PAPSS2: variants seen among roughly 807,000 people sequenced by gnomAD.
PAPSS2 encodes the protein bifunctional 3'-phosphoadenosine 5'-phosphosulfate synthase 2.
A neutral mutation model predicts 66.5 loss-of-function variants in PAPSS2; 61 were observed. The observed-to-expected ratio is 0.92, with a 90% CI of 0.75 to 1.14. The LOEUF (loss-of-function observed/expected upper bound fraction) is 1.14, where lower values mean the gene tolerates loss of function less well. Among genes scored for constraint, PAPSS2 ranks in the 50% most tolerant of loss-of-function variants. The pLI is 0.00. For synonymous variants in PAPSS2, 289 were observed against 287.5 expected (o/e 1.01, Z -0.05); for missense variants, 708 against 789.6 (o/e 0.90, Z 1.24).
At chr10:87,688,490 C>T (rs574599175) in intron 1 of PAPSS2, among the ~76,000 whole-genome samples, 1 of 114,520 alleles carries the variant, frequency 8.7e-6, no homozygotes, top group East Asian at 2.4e-4. Context: ...GACTAAGTCT[C>T]ACTCTGTCAC....
chr10:87,699,209 A>G (rs916948625), intron 1 of PAPSS2, among the ~76,000 whole-genome samples: 5 of 152,312 alleles, frequency 3.3e-5, no homozygotes, highest in African/African-American at 7.2e-5. Flanking sequence ...AAAGATTATC[A>G]GTGTAGAGCT....
Position 87,713,125 on chromosome 10 carries a change from C to A in PAPSS2, c.196C>A (p.Leu66Ile). The change falls in exon 3 of 13, where the codon CTT (leucine) becomes ATT (isoleucine). Residue 66 changes from leucine (L) to isoleucine (I), a missense_variant. By Grantham distance (5) the Leu-to-Ile change is conservative. Transcript: ENST00000456849. ...GATAAGTTTTGCCCTGGAGGAGTACCTTGTCTCCCATGCCATCCCTTGTTA... is the reference window on the plus strand; with the variant it reads ...GATAAGTTTTGCCCTGGAGGAGTACATTGTCTCCCATGCCATCCCTTGTTA... Reference protein sequence around the residue: ...TTISFALEEYLVSHAIPCYSL... With the variant: ...TTISFALEEYIVSHAIPCYSL... 2.5e-6 allele frequency: 4 copies of A among 1,613,380 alleles called. No individual in the cohort carries two copies. The highest frequency in any genetic ancestry group is 3.4e-6 in the Non-Finnish European group (4 of 1,179,766).
chr10:87,678,140 G>A lies in PAPSS2; in HGVS notation c.27+18132G>A, dbSNP rs556663049. On this transcript the variant is annotated intron_variant, in intron 1 of 12. Transcript: ENST00000456849. ...ACTTTTTTTTCCCAGAAATAAATCT[G>A]CATCTTTATAGCCAACTGATTTTCT... Among the ~76,000 whole-genome samples, 3 of 152,084 alleles carry A rather than the reference G, an allele frequency of 2.0e-5. No individual in the cohort carries two copies. The East Asian group carries it at 5.8e-4, about 29-fold the overall frequency.
chr10:87,687,915 A>G (rs570982765), intron 1 of PAPSS2, among the ~76,000 whole-genome samples: 10 of 152,320 alleles, frequency 6.6e-5, no homozygotes, highest in East Asian at 1.9e-4. Flanking sequence ...GATTTGATGT[A>G]ATTTTTTAAA....
At chr10:87,714,931 C>A (rs1853513996) in intron 5 of PAPSS2, 54 bp from the exon 6 acceptor site, 1 of 1,405,316 alleles carries the variant, frequency 7.1e-7, no homozygotes, top group South Asian at 1.2e-5. Context: ...TGCCTCTTTA[C>A]TGAAGCATTC....
intron 2 of PAPSS2, among the ~76,000 whole-genome samples, chr10:87,711,036 A>C (rs1435794080): frequency 1.3e-5 from 2 of 152,150 alleles, no homozygotes; most frequent in African/African-American, 4.8e-5. Context: ...TTAAATTAAA[A>C]AGTCATCTTT....
intron 1 of PAPSS2, among the ~76,000 whole-genome samples, chr10:87,688,582 C>T (rs1029341973): frequency 6.6e-6 from 1 of 151,850 alleles, no homozygotes; most frequent in African/African-American, 2.4e-5. Flanking sequence ...GCCTCAGCCT[C>T]CCCAGTAGCT....
chr10:87,737,828 C>A (rs1853819376), intron 9 of PAPSS2, among the ~76,000 whole-genome samples: 1 of 152,010 alleles, frequency 6.6e-6, no homozygotes, highest in South Asian at 2.1e-4. Context: ...ACAAAAACAA[C>A]TCCCCTCTTC....
intron 1 of PAPSS2, among the ~76,000 whole-genome samples, chr10:87,687,033 C>G (rs890757250): frequency 6.6e-6 from 1 of 152,116 alleles, no homozygotes; most frequent in Non-Finnish European, 1.5e-5. Flanking sequence ...TTGCATGGGG[C>G]ATCCTATGTT....
chr10:87,714,781 A>C lies in PAPSS2; in HGVS notation c.557A>C (p.Glu186Ala). Residue 186 changes from glutamate to alanine, a missense_variant, in exon 5 of 13, where the codon GAA becomes GCA. Glu to Ala is a moderately radical substitution (Grantham distance 107). Coordinates refer to ENST00000456849, the MANE Select transcript of PAPSS2 (RefSeq NM_001015880.2). ...TGIDSDYEKP[E>A]TPERVLKTNL... ...ATTGATTCTGATTATGAGAAACCTG[A>C]AACTCCTGAGCGTGTGCTTAAAACC... 3 of 1,612,734 alleles carry C rather than the reference A, an allele frequency of 1.9e-6. No individual in the cohort carries two copies. The highest frequency in any genetic ancestry group is 2.5e-6 in the Non-Finnish European group (3 of 1,178,760).
At chr10:87,683,087 CTTTTTTCTT>C (rs1272032293) in intron 1 of PAPSS2, among the ~76,000 whole-genome samples, 2 of 127,124 alleles carry the variant, frequency 1.6e-5, no homozygotes, top group South Asian at 2.7e-4. Context: ...TTTCCTTTTT[CTTTTTTCTT>C]TTTTTTTTTT....
chr10:87,734,669 A>G (rs1188798939), intron 9 of PAPSS2, among the ~76,000 whole-genome samples: 109 of 84,970 alleles, frequency 1.3e-3, no homozygotes, highest in African/African-American at 2.7e-3. Flanking sequence ...GTGTGTATAT[A>G]TATATATATA....
At chr10:87,671,511 C>T (rs182792177) in intron 1 of PAPSS2, among the ~76,000 whole-genome samples, 55 of 152,318 alleles carry the variant, frequency 3.6e-4, no homozygotes, top group Admixed American at 3.6e-3. Flanking sequence ...AATGCATACA[C>T]TCAAGAATAA....
chr10:87,721,875 T>C (rs1461508679), intron 8 of PAPSS2, 105 bp downstream of exon 8: 1 of 692,530 alleles, frequency 1.4e-6, no homozygotes, highest in South Asian at 1.9e-5. Flanking sequence ...CATTAACCAG[T>C]TGGAATCGCT....
At chr10:87,680,740 A>G (rs190615430) in intron 1 of PAPSS2, among the ~76,000 whole-genome samples, 2 of 152,194 alleles carry the variant, frequency 1.3e-5, no homozygotes, top group Admixed American at 1.3e-4. Flanking sequence ...CAGATTAGGA[A>G]ACAGAATACT....
chr10:87,743,751 C>A, intron 11 of PAPSS2, 110 bp downstream of exon 11: 1 of 1,218,468 alleles, frequency 8.2e-7, no homozygotes, highest in Non-Finnish European at 1.2e-6. Context: ...TGAGCAGATT[C>A]TGGAATGTTC....
intron 9 of PAPSS2, among the ~76,000 whole-genome samples, chr10:87,739,680 C>G (rs942530321): frequency 3.3e-5 from 5 of 152,172 alleles, no homozygotes; most frequent in African/African-American, 1.2e-4. Flanking sequence ...ACATTCTTTG[C>G]CTTTTTCTCT....
chr10:87,725,470 G>A (rs1448810547), intron 8 of PAPSS2, among the ~76,000 whole-genome samples: 1 of 152,180 alleles, frequency 6.6e-6, no homozygotes, highest in Admixed American at 6.5e-5. Flanking sequence ...GTACATGTGC[G>A]TTAATGACTT....
chr10:87,714,999 T>C lies in PAPSS2; in HGVS notation c.654T>C (p.Tyr218=). The C allele has an allele frequency of 6.2e-7, 1 of 1,607,966 alleles. No individual in the cohort carries two copies. The highest frequency in any genetic ancestry group is 1.1e-5 in the South Asian group (1 of 90,964). Residue 218 remains tyrosine (Y), a synonymous_variant, in exon 6 of 13, where the codon TAT becomes TAC. Coordinates refer to ENST00000456849, the MANE Select transcript of PAPSS2 (RefSeq NM_001015880.2). ...TTTCATTTCAGAACATTGTACCCTA[T>C]ACTATAATCAAAGATATCCACGAAC... ...ELLQEQNIVP[Y]TIIKDIHELF...
Sources: gnomAD v4.1 joint callset for allele counts (sites outside exome capture counted in the v4.1 genomes callset) on GRCh38, gnomAD v4.1.1 for gene constraint, MANE v1.5 for transcripts, NCBI Gene and HGNC (gene_info 2026-07-23, HGNC 2026-07-21) for gene names.